IKZF3: variants seen among roughly 807,000 people sequenced by gnomAD.
IKZF3 encodes the protein zinc finger protein Aiolos.
In IKZF3, 10 loss-of-function variants were observed where a neutral mutation model predicts 49.0. The observed-to-expected ratio is 0.20, with a 90% CI of 0.13 to 0.35. The LOEUF (loss-of-function observed/expected upper bound fraction) is 0.35. Ranked by LOEUF, IKZF3 falls within the 10% of genes least tolerant of loss-of-function variation. IKZF3 has a pLI of 1.00. For synonymous variants in IKZF3, 209 were observed against 228.2 expected, an observed-to-expected ratio of 0.92 and a Z score of 0.76; for missense variants, 498 against 664.8, an observed-to-expected ratio of 0.75 and a Z score of 2.76.
intron 1 of IKZF3, among the ~76,000 whole-genome samples, chr17:39,850,444 TATAA>T (rs1442616627): frequency 3.9e-4 from 50 of 129,522 alleles, no homozygotes; most frequent in Middle Eastern, 0.011. Context: ...TAATATATAG[TATAA>T]ATATATAGCA....
chr17:39,840,266 G>C (rs1002707486), intron 1 of IKZF3, among the ~76,000 whole-genome samples: 1 of 152,210 alleles, frequency 6.6e-6, no homozygotes, highest in Non-Finnish European at 1.5e-5. Context: ...CTCCACTGCA[G>C]AATGTCTCCC....
At chr17:39,793,089 G>A (rs748400325) in intron 3 of IKZF3, among the ~76,000 whole-genome samples, 156 bp from the exon 4 acceptor site, 8 of 152,202 alleles carry the variant, frequency 5.3e-5, no homozygotes, top group African/African-American at 1.7e-4. Flanking sequence ...TAGCGTGACC[G>A]CACGTTATTT....
chr17:39,842,308 G>A (rs761330465), intron 1 of IKZF3, among the ~76,000 whole-genome samples: 1 of 152,170 alleles, frequency 6.6e-6, no homozygotes. Context: ...TTTGAGGCCC[G>A]CCTCAGCCTC....
At chr17:39,848,654 T>C (rs996977513) in intron 1 of IKZF3, among the ~76,000 whole-genome samples, 1 of 151,172 alleles carries the variant, frequency 6.6e-6, no homozygotes, top group African/African-American at 2.4e-5. Context: ...CAGAATATTC[T>C]CATGACCCTG....
chr17:39,802,221 CAAAAAAAAAAAA>C (rs56029512), intron 3 of IKZF3, among the ~76,000 whole-genome samples: 1 of 54,406 alleles, frequency 1.8e-5, no homozygotes, highest in Non-Finnish European at 3.0e-5. Flanking sequence ...GACTCCATCT[CAAAAAAAAAAAA>C]AAAAAAAAAA....
At chr17:39,829,733 C>G (rs2144289906) in intron 2 of IKZF3, among the ~76,000 whole-genome samples, 1 of 152,108 alleles carries the variant, frequency 6.6e-6, no homozygotes, top group African/African-American at 2.4e-5. Flanking sequence ...GGGCAGATCA[C>G]CTGAGGTCAG....
At chr17:39,850,768 TA>T (rs375968564) in intron 1 of IKZF3, among the ~76,000 whole-genome samples, 1 of 96,138 alleles carries the variant, frequency 1.0e-5, no homozygotes, top group Non-Finnish European at 2.0e-5. Context: ...ATATTATATA[TA>T]ATATATAGTA....
chr17:39,801,710 GA>G (rs1567996753), intron 3 of IKZF3, among the ~76,000 whole-genome samples: 1 of 152,058 alleles, frequency 6.6e-6, no homozygotes, highest in Non-Finnish European at 1.5e-5. Flanking sequence ...GAGAGAAACC[GA>G]TGATATTTTT....
In IKZF3 at chr17:39,816,576, A is replaced by C. The variant is rs556274328; in HGVS notation, c.163+12811T>G. On this transcript the variant is annotated intron_variant, in intron 3 of 7. Coordinates refer to ENST00000346872, the MANE Select transcript of IKZF3 (RefSeq NM_012481.5). ...AGAGATTGTATAGCCCACAAAGCCT[A>C]AGATATTTACTATCTGGTCCTTTAC... Among the ~76,000 whole-genome samples, 9 of 152,372 alleles carry C rather than the reference A, an allele frequency of 5.9e-5. No homozygotes were observed. The South Asian group carries it at 1.9e-3, about 32-fold the overall frequency.
intron 3 of IKZF3, among the ~76,000 whole-genome samples, chr17:39,813,123 A>G (rs2061600454): frequency 6.6e-6 from 1 of 150,962 alleles, no homozygotes; most frequent in Admixed American, 6.6e-5. Context: ...AAATAAATAA[A>G]TAAATAAATA....
intron 1 of IKZF3, among the ~76,000 whole-genome samples, chr17:39,863,417 C>T (rs1186413972): frequency 6.6e-6 from 1 of 151,996 alleles, no homozygotes; most frequent in East Asian, 1.9e-4. Flanking sequence ...CCCACCATCC[C>T]CCCCCGAGTT....
chr17:39,864,202 C>G lies in IKZF3; in HGVS notation c.-76G>C. ...ACGTGCTCCTGCCGTCGCCTGGACT[C>G]AGCGCGCAGCTGGCGGGAGATTCCC... On this transcript the variant is annotated 5_prime_UTR_variant, in exon 1 of 8. Transcript: ENST00000346872. 1 of 1,532,396 alleles carries G rather than the reference C, an allele frequency of 6.5e-7. No homozygotes were observed. The highest frequency in any genetic ancestry group is 1.2e-5 in the South Asian group (1 of 84,904). The allele number at this position is 1,532,396 out of a possible 1,614,324, so 94.9% of individuals were successfully genotyped here.
intron 1 of IKZF3, among the ~76,000 whole-genome samples, chr17:39,858,660 G>A (rs2063135119): frequency 6.6e-6 from 1 of 151,652 alleles, no homozygotes; most frequent in Non-Finnish European, 1.5e-5. Flanking sequence ...ACAGGCGCCT[G>A]TAACCATCAA....
At position 39,777,148 on chromosome 17, in the gene IKZF3, T is replaced by C. The variant is rs181372896; in HGVS notation, c.826+503A>G. Among the ~76,000 whole-genome samples, 41 of 152,318 alleles carry C rather than the reference T, an allele frequency of 2.7e-4. No individual in the cohort carries two copies. The East Asian group carries it at 5.4e-3, about 20-fold the overall frequency. The stretch of plus-strand genomic sequence containing the variant: ...AAATGAACTCCAGTAAGACAAATGA[T>C]TAAATCAAACCTTGTTATTTAAATC... On this transcript the variant is annotated intron_variant, in intron 7 of 7. Transcript: ENST00000346872.
intron 3 of IKZF3, among the ~76,000 whole-genome samples, chr17:39,820,951 T>C (rs779511168): frequency 1.6e-4 from 25 of 152,170 alleles, no homozygotes; most frequent in Non-Finnish European, 3.1e-4. Flanking sequence ...AGAGAAAGTA[T>C]GGAAGCTCCA....
intron 1 of IKZF3, among the ~76,000 whole-genome samples, chr17:39,834,624 A>G (rs1350678384): frequency 1.3e-5 from 2 of 152,200 alleles, no homozygotes; most frequent in Non-Finnish European, 2.9e-5. Flanking sequence ...TAGTCCTTTT[A>G]AAAGTATTAA....
At chr17:39,789,726 TCAAA>T (rs143282055) in intron 5 of IKZF3, among the ~76,000 whole-genome samples, 46 of 137,108 alleles carry the variant, frequency 3.4e-4, no homozygotes, top group Middle Eastern at 4.3e-3. Flanking sequence ...AGACACCATC[TCAAA>T]CAAACAAACA....
At chr17:39,862,448 A>C (rs929154276) in intron 1 of IKZF3, among the ~76,000 whole-genome samples, 1 of 152,130 alleles carries the variant, frequency 6.6e-6, no homozygotes. Flanking sequence ...TCAAAACCAC[A>C]AGATGATATA....
rs142549042 is a variant in IKZF3, at chr17:39,813,052, A to T, written c.163+16335T>A. Among the ~76,000 whole-genome samples, 764 of 152,184 alleles carry T rather than the reference A, an allele frequency of 5.0e-3. 2 individuals carry two copies. The highest frequency in any genetic ancestry group is 7.8e-3 in the Non-Finnish European group (528 of 68,012). The stretch of plus-strand genomic sequence containing the variant: ...GGGAGGTGGAGCTTGCAGGGAGCCC[A>T]GTTCGCACCACTGCACTCCAGCCTG... On this transcript the variant is annotated intron_variant, in intron 3 of 7. Transcript: ENST00000346872.
Sources: allele counts gnomAD v4.1 joint callset (sites outside exome capture counted in the v4.1 genomes callset), GRCh38; gene constraint gnomAD v4.1.1; transcripts MANE v1.5; gene names NCBI Gene and HGNC (gene_info 2026-07-23, HGNC 2026-07-21).